Variants in KCNIP4 observed in about 807,000 individuals in gnomAD.
The protein encoded by KCNIP4 is potassium voltage-gated channel interacting protein 4, also known as Kv channel-interacting protein 4.
Under a neutral mutation model 34.0 loss-of-function variants are expected in KCNIP4, and 12 were observed. That is an observed-to-expected ratio of 0.35 (90% CI 0.23 to 0.57). The LOEUF (loss-of-function observed/expected upper bound fraction) is 0.57. KCNIP4 is among the 20% of genes least tolerant of loss of function. KCNIP4 has a pLI of 0.83. For missense variants in KCNIP4, 238 were observed against 311.7 expected, an observed-to-expected ratio of 0.76 and a Z score of 1.78; for synonymous variants, 124 against 102.2, an observed-to-expected ratio of 1.21 and a Z score of -1.29.
chr4:21,668,947 CCTT>C (rs779060472), intron 1 of KCNIP4, among the ~76,000 whole-genome samples: 4 of 152,196 alleles, frequency 2.6e-5, no homozygotes, highest in African/African-American at 9.6e-5. Flanking sequence ...TCCCGTCTCT[CCTT>C]CTAGTTCCTA....
chr4:21,501,451 T>C (rs1180872215), intron 1 of KCNIP4, among the ~76,000 whole-genome samples: 1 of 152,096 alleles, frequency 6.6e-6, no homozygotes, highest in Non-Finnish European at 1.5e-5. Flanking sequence ...CACCATCATA[T>C]CCACCATCTT....
intron 1 of KCNIP4, among the ~76,000 whole-genome samples, chr4:21,794,770 T>C (rs1345646644): frequency 6.6e-6 from 1 of 151,982 alleles, no homozygotes; most frequent in Non-Finnish European, 1.5e-5. Context: ...TCCCAGCTAC[T>C]TGGGAGGCTG....
chr4:20,789,843 G>A (rs1712496564), intron 3 of KCNIP4, among the ~76,000 whole-genome samples: 1 of 151,704 alleles, frequency 6.6e-6, no homozygotes, highest in Admixed American at 6.6e-5. Flanking sequence ...CTGAATCAAT[G>A]TTTGTTGTAT....
rs537856921 is a variant in KCNIP4, at chr4:21,697,316, T to TAA, written c.61+251253_61+251254dup. The TAA allele has an allele frequency of 4.8e-3, 5,894 of 1,223,870 alleles. 340 individuals carry two copies. The African/African-American group carries it at 0.1, about 21-fold the overall frequency. The allele number at this position is 1,223,870 out of a possible 1,614,324, so 75.8% of individuals were successfully genotyped here. The stretch of plus-strand genomic sequence containing the variant: ...ATTACCATGCTCTACTAGCCTCTAC[T>TAA]AAAAAAAAAAAAAAAAAAAAAAAAA... On this transcript the variant is annotated intron_variant, in intron 1 of 8. Transcript: ENST00000382152.
chr4:21,545,006 A>G (rs1359252198), intron 1 of KCNIP4, among the ~76,000 whole-genome samples: 1 of 152,080 alleles, frequency 6.6e-6, no homozygotes, highest in Non-Finnish European at 1.5e-5. Context: ...CATTCCCAGG[A>G]GGTTAGGCAT....
chr4:20,898,191 A>C (rs1491360), intron 1 of KCNIP4, among the ~76,000 whole-genome samples: 2 of 151,824 alleles, frequency 1.3e-5, no homozygotes, highest in Admixed American at 6.6e-5. Context: ...TCAGACTCCA[A>C]CTTGATTATG....
intron 1 of KCNIP4, among the ~76,000 whole-genome samples, chr4:21,601,185 A>G (rs1448904880): frequency 6.6e-6 from 1 of 151,882 alleles, no homozygotes; most frequent in African/African-American, 2.4e-5. Flanking sequence ...ACATTGCTGC[A>G]GTCCAAACTA....
chr4:21,015,315 CAGAGAG>C (rs1165901107), intron 1 of KCNIP4, among the ~76,000 whole-genome samples: 8 of 147,498 alleles, frequency 5.4e-5, no homozygotes, highest in Non-Finnish European at 7.4e-5. Flanking sequence ...AATGGAGAGA[CAGAGAG>C]AGAGGTAGAG....
chr4:21,079,452 C>CAGGAT, intron 1 of KCNIP4, among the ~76,000 whole-genome samples: 4 of 151,874 alleles, frequency 2.6e-5, no homozygotes, highest in African/African-American at 9.7e-5. Context: ...TGGTAATTTG[C>CAGGAT]TCAGTGTGAC....
intron 1 of KCNIP4, among the ~76,000 whole-genome samples, chr4:21,440,076 G>T (rs1727324089): frequency 6.6e-6 from 1 of 152,144 alleles, no homozygotes; most frequent in Admixed American, 6.5e-5. Flanking sequence ...AATGACAAAG[G>T]AAAATGAAAG....
intron 3 of KCNIP4, among the ~76,000 whole-genome samples, chr4:20,782,645 C>G (rs1239238204): frequency 6.6e-6 from 1 of 152,166 alleles, no homozygotes; most frequent in Non-Finnish European, 1.5e-5. Context: ...CTAGACTACA[C>G]ACAGCATGGG....
At chr4:21,464,189 AT>A in intron 1 of KCNIP4, among the ~76,000 whole-genome samples, 1 of 150,630 alleles carries the variant, frequency 6.6e-6, no homozygotes, top group Non-Finnish European at 1.5e-5. Flanking sequence ...TTGTTTTTCT[AT>A]TTCCTATTTT....
At chr4:21,458,033 T>A (rs1729112825) in intron 1 of KCNIP4, among the ~76,000 whole-genome samples, 1 of 151,994 alleles carries the variant, frequency 6.6e-6, no homozygotes, top group Non-Finnish European at 1.5e-5. Flanking sequence ...AGGGTACACG[T>A]GCTCATTGCG....
intron 1 of KCNIP4, among the ~76,000 whole-genome samples, chr4:21,641,339 T>C (rs749104505): frequency 2.6e-5 from 4 of 152,198 alleles, no homozygotes; most frequent in Non-Finnish European, 4.4e-5. Context: ...TACAGGCACA[T>C]ACAATAGACA....
intron 1 of KCNIP4, among the ~76,000 whole-genome samples, chr4:20,946,785 A>T (rs548284493): frequency 6.6e-6 from 1 of 152,300 alleles, no homozygotes; most frequent in South Asian, 2.1e-4. Flanking sequence ...CAGGATACCT[A>T]TTCCAATCTA....
chr4:20,964,120 C>T lies in KCNIP4; in HGVS notation c.62-81411G>A, dbSNP rs1431267937. On this transcript the variant is annotated intron_variant, in intron 1 of 8. Transcript: ENST00000382152. ...CTAGAACCTATAAGTATTTTACATACTTATTTATACATGTGAGGTCCTCAG... is the reference window on the plus strand; with the variant it reads ...CTAGAACCTATAAGTATTTTACATATTTATTTATACATGTGAGGTCCTCAG... Among the ~76,000 whole-genome samples the T allele has an allele frequency of 3.9e-5, 6 of 152,032 alleles. No homozygotes were observed. In the East Asian group the frequency reaches 1.2e-3, roughly 29 times the overall value.
chr4:21,201,288 G>A (rs1756472818), intron 1 of KCNIP4, among the ~76,000 whole-genome samples: 4 of 152,164 alleles, frequency 2.6e-5, no homozygotes, highest in Admixed American at 2.6e-4. Flanking sequence ...CTACAATCAA[G>A]AGGTTGACAT....
chr4:21,448,003 TG>T lies in KCNIP4; in HGVS notation c.61+500567del, dbSNP rs34491560. On this transcript the variant is annotated intron_variant, in intron 1 of 8. Coordinates refer to ENST00000382152, the MANE Select transcript of KCNIP4 (RefSeq NM_025221.6). ...TTGGACCAGGTTGACCATGGGTCACTGGAACTGAGAAAAATGAATAAGGGGA... is the reference window on the plus strand; with the variant it reads ...TTGGACCAGGTTGACCATGGGTCACTGAACTGAGAAAAATGAATAAGGGGA... Among the ~76,000 whole-genome samples, 2,422 of 152,256 alleles carry T rather than the reference TG, an allele frequency of 0.016. 130 individuals carry two copies. The East Asian group carries it at 0.16, about 10-fold the overall frequency.
chr4:21,411,244 A>G (rs1219025635), intron 1 of KCNIP4, among the ~76,000 whole-genome samples: 1 of 152,142 alleles, frequency 6.6e-6, no homozygotes, highest in Non-Finnish European at 1.5e-5. Flanking sequence ...ACTTTGATGT[A>G]ATTGTCAAGA....
Sources: gnomAD v4.1 joint callset for allele counts (sites outside exome capture counted in the v4.1 genomes callset) on GRCh38, gnomAD v4.1.1 for gene constraint, MANE v1.5 for transcripts, NCBI Gene and HGNC (gene_info 2026-07-23, HGNC 2026-07-21) for gene names.